Variants in KIZ observed in about 807,000 individuals in gnomAD.
The protein encoded by KIZ is centrosomal protein kizuna.
KIZ carries 68 observed loss-of-function variants against 79.6 expected under a neutral mutation model. The observed-to-expected ratio is 0.85, with a 90% CI of 0.70 to 1.05. KIZ has a LOEUF of 1.05. Among genes scored for constraint, KIZ ranks in the 50% least tolerant of loss-of-function variants. The pLI is 0.00. For missense variants in KIZ, 797 were observed against 800.4 expected, an observed-to-expected ratio of 1.00 and a Z score of 0.05; for synonymous variants, 280 against 281.8, an observed-to-expected ratio of 0.99 and a Z score of 0.06.
In KIZ at chr20:21,162,353, C is replaced by G. The variant is rs1288404379; in HGVS notation, c.888C>G (p.Ser296=). ...NRTTDLKCDS[S]SGSEGEILTR... ...CCACTGATTTAAAGTGTGACAGTTC[C>G]AGCGGATCAGAGGGAGAAATACTGA... The change falls in exon 5 of 13, where the codon TCC becomes TCG. Residue 296 remains serine, a synonymous_variant. Transcript: ENST00000619189. 6.2e-7 allele frequency: 1 copy of G among 1,613,814 alleles called. No homozygotes were observed.
At chr20:21,230,545 T>C (rs1185026254) in intron 10 of KIZ, among the ~76,000 whole-genome samples, 1 of 152,198 alleles carries the variant, frequency 6.6e-6, no homozygotes, top group Non-Finnish European at 1.5e-5. Flanking sequence ...CTTAGCTGTG[T>C]TTGGAGAGCT....
chr20:21,214,294 C>T (rs1453070730), intron 7 of KIZ, among the ~76,000 whole-genome samples: 2 of 152,182 alleles, frequency 1.3e-5, no homozygotes. Context: ...TTCTGCATTA[C>T]ATAAGATTCA....
chr20:21,228,672 C>G (rs368547583), intron 9 of KIZ, among the ~76,000 whole-genome samples: 43 of 152,262 alleles, frequency 2.8e-4, no homozygotes, highest in African/African-American at 1.0e-3. Flanking sequence ...CCTAGGAAGA[C>G]TTGCTTTCTC....
intron 6 of KIZ, among the ~76,000 whole-genome samples, chr20:21,202,804 CTAAG>C (rs1568972203): frequency 3.9e-5 from 6 of 152,168 alleles, no homozygotes; most frequent in African/African-American, 1.2e-4. Flanking sequence ...TTATACTTTT[CTAAG>C]TAAGTTGCAG....
intron 6 of KIZ, among the ~76,000 whole-genome samples, chr20:21,200,253 T>C (rs2123123789): frequency 1.3e-5 from 2 of 152,178 alleles, no homozygotes; most frequent in African/African-American, 4.8e-5. Flanking sequence ...CCTGCCCCCA[T>C]AGCATACTCT....
intron 11 of KIZ, among the ~76,000 whole-genome samples, chr20:21,237,011 A>G (rs1013676906): frequency 6.7e-6 from 1 of 149,230 alleles, no homozygotes; most frequent in African/African-American, 2.5e-5. Flanking sequence ...AAAAAAAAAA[A>G]AAAATGATGG....
intron 7 of KIZ, among the ~76,000 whole-genome samples, chr20:21,212,996 C>G (rs1018359373): frequency 1.3e-5 from 2 of 152,340 alleles, no homozygotes; most frequent in African/African-American, 4.8e-5. Context: ...CCCCTGGTCA[C>G]TAGAACTGCA....
At chr20:21,219,003 A>G (rs931516230) in intron 9 of KIZ, among the ~76,000 whole-genome samples, 10 of 152,186 alleles carry the variant, frequency 6.6e-5, no homozygotes, top group Non-Finnish European at 1.3e-4. Context: ...TTTGCTTTTC[A>G]GCCATTTCAG....
intron 4 of KIZ, chr20:21,158,552 G>T (rs2033495448): frequency 6.6e-6 from 1 of 152,190 alleles, no homozygotes; most frequent in Non-Finnish European, 1.5e-5. Flanking sequence ...ATATGCAGCT[G>T]TTAAAATTGG....
intron 6 of KIZ, among the ~76,000 whole-genome samples, chr20:21,178,872 A>C (rs750885221): frequency 2.0e-5 from 3 of 152,158 alleles, no homozygotes; most frequent in Non-Finnish European, 4.4e-5. Flanking sequence ...GGTGTATCAC[A>C]TTGATTTTTA....
At chr20:21,133,456 C>T (rs553725415) in intron 2 of KIZ, among the ~76,000 whole-genome samples, 2 of 152,164 alleles carry the variant, frequency 1.3e-5, no homozygotes, top group East Asian at 1.9e-4. Flanking sequence ...TGTGTGTAGA[C>T]GTTTCATGCA....
At chr20:21,169,546 A>AT (rs2034109433) in intron 6 of KIZ, among the ~76,000 whole-genome samples, 1 of 152,236 alleles carries the variant, frequency 6.6e-6, no homozygotes, top group African/African-American at 2.4e-5. Flanking sequence ...CTAGAACTAG[A>AT]AATACCATTT....
intron 6 of KIZ, among the ~76,000 whole-genome samples, chr20:21,173,209 T>C (rs1445722471): frequency 1.3e-5 from 2 of 152,160 alleles, no homozygotes; most frequent in African/African-American, 4.8e-5. Flanking sequence ...AGAGAGGTGC[T>C]GTTGCTTTGG....
At chr20:21,205,705 G>A (rs2035797224) in intron 7 of KIZ, 121 bp downstream of exon 7, 1 of 529,982 alleles carries the variant, frequency 1.9e-6, no homozygotes, top group Non-Finnish European at 3.3e-6. Context: ...GCTCACGCCT[G>A]TAATCCCAGC....
intron 9 of KIZ, chr20:21,218,720 T>C (rs1600576273): frequency 6.6e-6 from 1 of 152,266 alleles, no homozygotes; most frequent in East Asian, 1.9e-4. Flanking sequence ...TGGAACACTT[T>C]TAAAGCAGTG....
At chr20:21,197,610 G>T (rs1289740544) in intron 6 of KIZ, 1 of 152,132 alleles carries the variant, frequency 6.6e-6, no homozygotes, top group South Asian at 2.1e-4. Context: ...GTCAACAAAG[G>T]GTTAAAAGTT....
intron 9 of KIZ, among the ~76,000 whole-genome samples, chr20:21,222,174 G>A (rs1389220541): frequency 6.6e-6 from 1 of 152,226 alleles, no homozygotes; most frequent in East Asian, 1.9e-4. Flanking sequence ...ATTTAACATG[G>A]TCATTAAAGG....
chr20:21,161,876 A>C lies in KIZ; in HGVS notation c.411A>C (p.Ala137=), dbSNP rs754013615. Residue 137 remains alanine, a synonymous_variant, in exon 5 of 13, where the codon GCA becomes GCC. Transcript: ENST00000619189. The stretch of plus-strand genomic sequence containing the variant: ...CATCTCTTTTGGTGTTGCAGGTTGC[A>C]GTGCACGAGGGGATTAACTCAGGAA... The part of the protein sequence containing the change: ...ELTDEDREKV[A]VHEGINSGTA... The C allele has an allele frequency of 6.2e-7, 1 of 1,608,330 alleles. No homozygotes were observed. The highest frequency in any genetic ancestry group is 1.7e-5 in the Admixed American group (1 of 59,766).
chr20:21,162,711 G>C (rs993767125), intron 5 of KIZ, 139 bp from the exon 6 acceptor site: 1 of 844,244 alleles, frequency 1.2e-6, no homozygotes, highest in Non-Finnish European at 1.8e-6. Context: ...TTGAAAACGT[G>C]TTTAAGCTTT....
Sources: gnomAD v4.1 joint callset for allele counts (sites outside exome capture counted in the v4.1 genomes callset) on GRCh38, gnomAD v4.1.1 for gene constraint, MANE v1.5 for transcripts, NCBI Gene and HGNC (gene_info 2026-07-23, HGNC 2026-07-21) for gene names.